Variants in KYNU observed in about 807,000 individuals in gnomAD.
KYNU encodes the protein kynureninase.
KYNU carries 54 observed loss-of-function variants against 59.2 expected under a neutral mutation model. That is an observed-to-expected ratio of 0.91 (90% CI 0.73 to 1.14). The LOEUF is 1.14. KYNU is among the 50% of genes most tolerant of loss of function. The pLI, the probability that KYNU is intolerant of heterozygous loss-of-function variation, is 0.00. For synonymous variants in KYNU, 177 were observed against 192.0 expected, an observed-to-expected ratio of 0.92 and a Z score of 0.65; for missense variants, 567 against 554.4, an observed-to-expected ratio of 1.02 and a Z score of -0.23.
chr2:143,023,967 A>T (rs957095863), intron 10 of KYNU, among the ~76,000 whole-genome samples: 6 of 151,778 alleles, frequency 4.0e-5, no homozygotes, highest in Non-Finnish European at 7.4e-5. Context: ...AAGTCATCAG[A>T]TTGTACTACG....
chr2:143,023,397 T>G (rs1457923876), intron 10 of KYNU, among the ~76,000 whole-genome samples: 2 of 151,940 alleles, frequency 1.3e-5, no homozygotes, highest in Non-Finnish European at 3.0e-5. Flanking sequence ...CAACATTTTA[T>G]GAGCATTTCT....
At chr2:142,994,663 T>C (rs1685490700) in intron 10 of KYNU, among the ~76,000 whole-genome samples, 1 of 152,122 alleles carries the variant, frequency 6.6e-6, no homozygotes, top group Non-Finnish European at 1.5e-5. Context: ...GGTTGCTTAA[T>C]AAGTTTATTA....
chr2:142,956,359 C>G, intron 6 of KYNU, 85 bp downstream of exon 6: 5 of 810,888 alleles, frequency 6.2e-6, no homozygotes, highest in Non-Finnish European at 8.3e-6. Context: ...TGTTTACTCA[C>G]TAGGCTTTTC....
At chr2:142,916,778 G>A (rs2104986880) in intron 2 of KYNU, among the ~76,000 whole-genome samples, 1 of 152,322 alleles carries the variant, frequency 6.6e-6, no homozygotes, top group Middle Eastern at 3.4e-3. Flanking sequence ...GAAAGAGTTG[G>A]AAAACAATAC....
chr2:142,881,628 GA>G (rs1681299874), intron 1 of KYNU, among the ~76,000 whole-genome samples: 1 of 152,254 alleles, frequency 6.6e-6, no homozygotes, highest in East Asian at 1.9e-4. Flanking sequence ...TCTGAATTGA[GA>G]AATATTAAAC....
intron 10 of KYNU, among the ~76,000 whole-genome samples, chr2:142,986,279 G>A (rs568760324): frequency 2.3e-4 from 35 of 151,886 alleles, no homozygotes; most frequent in African/African-American, 5.3e-4. Flanking sequence ...CATGTAAAGC[G>A]GATGGTTTAA....
At position 143,055,286 on chromosome 2, in the gene KYNU, A is replaced by T. The variant is rs966135338; in HGVS notation, c.*13114A>T. On this transcript the variant is annotated 3_prime_UTR_variant, in exon 14 of 14. Transcript: ENST00000264170. Reference sequence around the variant, plus strand: ...GGTGACGTTTCTTTCTGGAGGTTCCAGGGGGAACTCTGTTTTCTTACTTTT... The same window carrying T: ...GGTGACGTTTCTTTCTGGAGGTTCCTGGGGGAACTCTGTTTTCTTACTTTT... 2 of 152,208 alleles carry T rather than the reference A, an allele frequency of 1.3e-5. No homozygotes were observed. Among genetic ancestry groups the T allele is most frequent in the African/African-American group, 4.8e-5 (2 of 41,456 alleles). 9.4% of individuals were successfully genotyped at this position (152,208 alleles called of 1,614,324 possible).
rs1687268794 is a variant in KYNU at position 143,051,671 on chromosome 2, C to G, written c.*9499C>G. 6.6e-6 allele frequency: 1 copy of G among 152,146 alleles called. No individual in the cohort carries two copies. Among genetic ancestry groups the G allele is most frequent in the Non-Finnish European group, 1.5e-5 (1 of 68,062 alleles). The allele number at this position is 152,146 out of a possible 1,614,324, so 9.4% of individuals were successfully genotyped here. ...ATAATGTGGAGTTTCCCTGCAAAGG[C>G]TCTTGTCCTGTCTGTGCCATTTGAG... On this transcript the variant is annotated 3_prime_UTR_variant, in exon 14 of 14. Transcript: ENST00000264170.
chr2:143,035,640 G>A (rs1056225013), intron 12 of KYNU, among the ~76,000 whole-genome samples: 2 of 152,058 alleles, frequency 1.3e-5, no homozygotes, highest in African/African-American at 2.4e-5. Flanking sequence ...GTTCAGACTG[G>A]AATGCAATAG....
At position 143,054,609 on chromosome 2, in the gene KYNU, A is replaced by C. The variant is rs1309638662; in HGVS notation, c.*12437A>C. The C allele has an allele frequency of 6.6e-6, 1 of 152,208 alleles. No individual in the cohort carries two copies. The highest frequency in any genetic ancestry group is 6.5e-5 in the Admixed American group (1 of 15,284). 9.4% of individuals were successfully genotyped at this position (152,208 alleles called of 1,614,324 possible). A position where few individuals can be genotyped will look rare whatever the true frequency, so the allele number is the denominator to read the frequency against. On this transcript the variant is annotated 3_prime_UTR_variant, in exon 14 of 14. Coordinates refer to ENST00000264170, the MANE Select transcript of KYNU (RefSeq NM_003937.3). ...ATGTGATGAATATGAAGTAGACTGC[A>C]CCACTCTGCAGTACAGTCAGGAAAT...
rs1687154588 is a variant in KYNU, at chr2:143,045,692, G to A, written c.*3520G>A. The A allele has an allele frequency of 6.6e-6, 1 of 151,990 alleles. No homozygotes were observed. Among genetic ancestry groups the A allele is most frequent in the Non-Finnish European group, 1.5e-5 (1 of 67,948 alleles). 9.4% of individuals were successfully genotyped at this position (151,990 alleles called of 1,614,324 possible). On this transcript the variant is annotated 3_prime_UTR_variant, in exon 14 of 14. Transcript: ENST00000264170. ...TTTTATTTTAAAGATGGAAGATGAT[G>A]TCTCTCTATGTAACTCAGGCAGGTC...
At chr2:142,935,229 T>TCAGTTAAC (rs1683348528) in intron 4 of KYNU, among the ~76,000 whole-genome samples, 1 of 152,190 alleles carries the variant, frequency 6.6e-6, no homozygotes, top group South Asian at 2.1e-4. Flanking sequence ...TGTATTTTCT[T>TCAGTTAAC]ATGACTTCAG....
Position 142,909,598 on chromosome 2 carries a change from C to T in KYNU, c.170-9011C>T, listed in dbSNP as rs142538037. ...ATTAATTCATTTAAGATAATGGCCT[C>T]TGGCTGCATCCATGTTGTTGAAAAT... is the stretch of plus-strand genomic sequence containing the variant. On this transcript the variant is annotated intron_variant, in intron 2 of 13. Transcript: ENST00000264170. 4.9e-3 allele frequency among the ~76,000 whole-genome samples: 749 copies of T among 152,272 alleles called. 8 individuals are homozygous for T. Among genetic ancestry groups the T allele is most frequent in the Middle Eastern group, 0.01 (3 of 294 alleles).
chr2:142,991,722 C>G lies in KYNU; in HGVS notation c.902+5701C>G, dbSNP rs548473787. 2.0e-5 allele frequency among the ~76,000 whole-genome samples: 3 copies of G among 151,988 alleles called. No individual in the cohort carries two copies. In the South Asian group the frequency reaches 6.2e-4, roughly 31 times the overall value. On this transcript the variant is annotated intron_variant, in intron 10 of 13. Coordinates refer to ENST00000264170, the MANE Select transcript of KYNU (RefSeq NM_003937.3). ...ACTTTTTCACCTTTTCATTGATTCT[C>G]TCAAAACCTCAGTCCTTAATCCTCT...
At chr2:143,032,372 GCAT>G (rs1686778146) in intron 11 of KYNU, among the ~76,000 whole-genome samples, 2 of 151,664 alleles carry the variant, frequency 1.3e-5, no homozygotes, top group Admixed American at 1.3e-4. Context: ...CATGAGAACG[GCAT>G]GCAGGAAACT....
At chr2:142,905,052 TC>T (rs767969475) in intron 2 of KYNU, among the ~76,000 whole-genome samples, 25 of 152,300 alleles carry the variant, frequency 1.6e-4, no homozygotes, top group Non-Finnish European at 3.1e-4. Context: ...CAAATTCGTT[TC>T]AGAGAGGGTG....
chr2:142,885,810 T>C (rs957024086), intron 2 of KYNU, among the ~76,000 whole-genome samples: 2 of 152,214 alleles, frequency 1.3e-5, no homozygotes, highest in Non-Finnish European at 2.9e-5. Context: ...GATTGAAAAT[T>C]ACAGGCAGAT....
chr2:142,989,462 A>G, intron 10 of KYNU: 1 of 985,098 alleles, frequency 1.0e-6, no homozygotes. Context: ...ACACTTTGTG[A>G]AGTAGTCTTT....
intron 4 of KYNU, among the ~76,000 whole-genome samples, chr2:142,932,519 T>C (rs1683256502): frequency 6.6e-6 from 1 of 152,130 alleles, no homozygotes; most frequent in African/African-American, 2.4e-5. Context: ...GCCTGATAGC[T>C]TGAAGGAGTT....
Sources: allele counts gnomAD v4.1 joint callset (sites outside exome capture counted in the v4.1 genomes callset), GRCh38; gene constraint gnomAD v4.1.1; transcripts MANE v1.5; gene names NCBI Gene and HGNC (gene_info 2026-07-23, HGNC 2026-07-21).